Variants in NLRC5 observed in about 807,000 individuals in gnomAD.
NLRC5 encodes NLR family CARD domain containing 5, also known as protein NLRC5.
In NLRC5, 114 loss-of-function variants were observed where a neutral mutation model predicts 206.9. The ratio of observed to expected loss-of-function variants is 0.55; its 90% CI spans 0.47 to 0.64. NLRC5 has a LOEUF of 0.64. Ranked by LOEUF, NLRC5 falls within the 30% of genes least tolerant of loss-of-function variation. NLRC5 has a pLI of 0.00. For missense variants in NLRC5, 2,008 were observed against 2,305.5 expected, an observed-to-expected ratio of 0.87 and a Z score of 2.64; for synonymous variants, 952 against 962.8, an observed-to-expected ratio of 0.99 and a Z score of 0.21.
chr16:57,079,282 A>G lies in NLRC5; in HGVS notation c.5227A>G (p.Arg1743Gly), dbSNP rs1164833310. Residue 1743 changes from arginine to glycine, a missense_variant, in exon 45 of 49, where the codon AGA becomes GGA. By Grantham distance (125) the Arg-to-Gly change is moderately radical. Transcript: ENST00000688547. ...TTTCTGTATGGAGCTCCCGCTGCTC[A>G]GACAGATAGAGTAAGTAGCCTCCCC... ...LRFCMELPLLRQIDLVSCKID... is the reference protein window; with the variant it reads ...LRFCMELPLLGQIDLVSCKID... 1.9e-6 allele frequency: 3 copies of G among 1,613,262 alleles called. No homozygotes were observed. The highest frequency in any genetic ancestry group is 2.5e-6 in the Non-Finnish European group (3 of 1,180,018).
chr16:57,048,061 A>G (rs1283845972), intron 23 of NLRC5: 5 of 171,518 alleles, frequency 2.9e-5, no homozygotes, highest in African/African-American at 4.7e-5. Context: ...GTCTGTAACC[A>G]GAGACTGGAC....
At chr16:57,009,504 A>C (rs1421918303) in intron 1 of NLRC5, among the ~76,000 whole-genome samples, 1 of 151,802 alleles carries the variant, frequency 6.6e-6, no homozygotes, top group Non-Finnish European at 1.5e-5. Flanking sequence ...GAGGAAAGAG[A>C]ATGGCGTGAA....
chr16:56,996,136 G>A (rs2057575517), intron 1 of NLRC5, among the ~76,000 whole-genome samples: 1 of 152,128 alleles, frequency 6.6e-6, no homozygotes, highest in Admixed American at 6.5e-5. Context: ...CAGTTCAACA[G>A]CATCATAGTG....
At chr16:56,996,817 G>T (rs1342017373) in intron 1 of NLRC5, among the ~76,000 whole-genome samples, 1 of 152,190 alleles carries the variant, frequency 6.6e-6, no homozygotes, top group Non-Finnish European at 1.5e-5. Context: ...GTTGAAAGCA[G>T]TATTATATTT....
At chr16:57,070,796 G>A (rs2067567702) in intron 38 of NLRC5, among the ~76,000 whole-genome samples, 178 bp downstream of exon 38, 1 of 150,780 alleles carries the variant, frequency 6.6e-6, no homozygotes, top group Non-Finnish European at 1.5e-5. Flanking sequence ...GGCTGAGTGA[G>A]TGGTGGGAGT....
intron 15 of NLRC5, 46 bp downstream of exon 15, chr16:57,037,330 GCT>G: frequency 6.5e-7 from 1 of 1,532,064 alleles, no homozygotes; most frequent in Non-Finnish European, 9.0e-7. Context: ...CCCCCATCAT[GCT>G]CTCTCTGAAG....
At chr16:57,066,024 C>T (rs1161432804) in intron 33 of NLRC5, among the ~76,000 whole-genome samples, 1 of 152,208 alleles carries the variant, frequency 6.6e-6, no homozygotes, top group Non-Finnish European at 1.5e-5. Flanking sequence ...CCCTACCCCA[C>T]CCTTCCACCA....
At chr16:56,998,518 C>T (rs2057892472) in intron 1 of NLRC5, among the ~76,000 whole-genome samples, 1 of 152,186 alleles carries the variant, frequency 6.6e-6, no homozygotes, top group South Asian at 2.1e-4. Flanking sequence ...CCCCATTTTA[C>T]AGATGAGAAC....
Position 57,051,637 on chromosome 16 carries a change from T to A in NLRC5, c.3506+16T>A. On this transcript the variant is annotated intron_variant, in intron 24 of 48. Coordinates refer to ENST00000688547, the MANE Select transcript of NLRC5 (RefSeq NM_001384950.1). ...GCCTGCTGCAGTAAGACGAGAGTTT[T>A]TCCTATTTCCCGGTTCCTTGTGCTC... 6.2e-7 allele frequency: 1 copy of A among 1,604,594 alleles called. No individual in the cohort carries two copies.
At chr16:57,024,840 T>G (rs1315173701) in intron 5 of NLRC5, among the ~76,000 whole-genome samples, 1 of 152,038 alleles carries the variant, frequency 6.6e-6, no homozygotes, top group East Asian at 1.9e-4. Flanking sequence ...CAAAACCTTG[T>G]CTCTACTAAA....
At chr16:57,004,289 T>C (rs2058659488) in intron 1 of NLRC5, among the ~76,000 whole-genome samples, 1 of 152,138 alleles carries the variant, frequency 6.6e-6, no homozygotes, top group South Asian at 2.1e-4. Context: ...TGTTTTTTGT[T>C]GTTTAAATTG....
chr16:57,024,789 C>T (rs1291111193), intron 5 of NLRC5, among the ~76,000 whole-genome samples: 4 of 152,178 alleles, frequency 2.6e-5, no homozygotes, highest in Non-Finnish European at 2.9e-5. Context: ...GCAGGTGGAT[C>T]AGTTGAGCCC....
intron 15 of NLRC5, 33 bp downstream of exon 15, chr16:57,037,317 C>A (rs758847447): frequency 2.2e-5 from 33 of 1,534,832 alleles, no homozygotes; most frequent in South Asian, 3.4e-5. Context: ...GTACCCATCC[C>A]CCCCCCCATC....
chr16:57,029,058 A>G lies in NLRC5; in HGVS notation c.2243+673A>G, dbSNP rs184685258. ...TTCATCCACACAGATGCAGCCTGTC[A>G]CTAAGGTTCAGCACTTGTTGAGTGA... is the stretch of plus-strand genomic sequence containing the variant. On this transcript the variant is annotated intron_variant, in intron 8 of 48. Coordinates refer to ENST00000688547, the MANE Select transcript of NLRC5 (RefSeq NM_001384950.1). Among the ~76,000 whole-genome samples, 7 of 152,272 alleles carry G rather than the reference A, an allele frequency of 4.6e-5. No homozygotes were observed. The East Asian group carries it at 1.4e-3, about 29-fold the overall frequency.
intron 41 of NLRC5, 147 bp from the exon 42 acceptor site, chr16:57,077,572 C>T: frequency 1.0e-6 from 1 of 954,224 alleles, no homozygotes. Flanking sequence ...TTCTCTGGGC[C>T]TTTCTGCCTC....
At chr16:57,040,194 C>T (rs1311207444) in intron 16 of NLRC5, among the ~76,000 whole-genome samples, 1 of 152,182 alleles carries the variant, frequency 6.6e-6, no homozygotes, top group Non-Finnish European at 1.5e-5. Flanking sequence ...CTGGTCGGAA[C>T]TTCTGTATCC....
chr16:57,001,123 C>T (rs1205698169), intron 1 of NLRC5, among the ~76,000 whole-genome samples: 1 of 152,220 alleles, frequency 6.6e-6, no homozygotes, highest in East Asian at 1.9e-4. Context: ...CTGTGTCCCC[C>T]TGGTAGGGCT....
intron 9 of NLRC5, 58 bp downstream of exon 9, chr16:57,029,914 C>T: frequency 1.2e-6 from 2 of 1,605,870 alleles, no homozygotes; most frequent in South Asian, 1.1e-5. Flanking sequence ...TGATTCACCC[C>T]ACTCCCTTGC....
intron 1 of NLRC5, among the ~76,000 whole-genome samples, chr16:57,005,525 A>G (rs1396037380): frequency 1.3e-5 from 2 of 151,986 alleles, no homozygotes; most frequent in Non-Finnish European, 2.9e-5. Flanking sequence ...GAAAGAAAAA[A>G]AGTGAACTTG....
Sources: gnomAD v4.1 joint callset for allele counts (sites outside exome capture counted in the v4.1 genomes callset) on GRCh38, gnomAD v4.1.1 for gene constraint, MANE v1.5 for transcripts, NCBI Gene and HGNC (gene_info 2026-07-23, HGNC 2026-07-21) for gene names.